SDK1: variants seen among roughly 807,000 people sequenced by gnomAD.
SDK1 encodes the protein sidekick cell adhesion molecule 1.
A neutral mutation model predicts 245.5 loss-of-function variants in SDK1; 157 were observed. That is an observed-to-expected ratio of 0.64 (90% CI 0.56 to 0.73). The LOEUF (loss-of-function observed/expected upper bound fraction) is 0.73, where lower values mean the gene tolerates loss of function less well. SDK1 is among the 30% of genes least tolerant of loss of function. SDK1 has a pLI of 0.00. For synonymous variants in SDK1, 1,647 were observed against 1,278.5 expected (o/e 1.29, Z -6.15); for missense variants, 3,583 against 3,002.3 (o/e 1.19, Z -4.52).
At chr7:4,228,389 G>A (rs1379755615) in intron 40 of SDK1, among the ~76,000 whole-genome samples, 3 of 152,238 alleles carry the variant, frequency 2.0e-5, no homozygotes, top group Admixed American at 2.0e-4. Flanking sequence ...GAAGTGGCAG[G>A]TCCAGCCCAG....
intron 1 of SDK1, among the ~76,000 whole-genome samples, chr7:3,326,701 G>T (rs1173789808): frequency 2.0e-5 from 3 of 151,918 alleles, no homozygotes; most frequent in African/African-American, 7.3e-5. Context: ...TTTTATCATG[G>T]AAAATGTAAA....
intron 1 of SDK1, among the ~76,000 whole-genome samples, chr7:3,376,190 C>T (rs1394571647): frequency 6.6e-6 from 1 of 152,074 alleles, no homozygotes; most frequent in East Asian, 1.9e-4. Flanking sequence ...GAGTGAGACC[C>T]TGCCTTGGGG....
rs73672083 is a variant in SDK1, at chr7:3,320,651, T to A, written c.298+18767T>A. On this transcript the variant is annotated intron_variant, in intron 1 of 44. Transcript: ENST00000404826. The stretch of plus-strand genomic sequence containing the variant: ...AAAGATCTTGTATATTTTAAGCAGT[T>A]GCCCTGTTTTAATATTAATCATGGC... Among the ~76,000 whole-genome samples the A allele has an allele frequency of 5.8e-3, 880 of 152,302 alleles. 2 individuals are homozygous for A. The highest frequency in any genetic ancestry group is 0.019 in the African/African-American group (809 of 41,566).
At chr7:3,449,974 G>A (rs1302682237) in intron 1 of SDK1, among the ~76,000 whole-genome samples, 1 of 152,208 alleles carries the variant, frequency 6.6e-6, no homozygotes, top group Non-Finnish European at 1.5e-5. Flanking sequence ...CTGGCTGTTG[G>A]GGGGTCGACG....
intron 20 of SDK1, among the ~76,000 whole-genome samples, chr7:4,069,987 A>T (rs555153214): frequency 6.6e-6 from 1 of 152,278 alleles, no homozygotes; most frequent in East Asian, 1.9e-4. Context: ...ACAGCATGGG[A>T]TGCTCACTTT....
Position 4,268,497 on chromosome 7 carries a change from C to A in SDK1, c.*3113C>A. The A allele has an allele frequency of 8.4e-7, 1 of 1,188,780 alleles. No homozygotes were observed. The allele number at this position is 1,188,780 out of a possible 1,614,324, so 73.6% of individuals were successfully genotyped here. A position where few individuals can be genotyped will look rare whatever the true frequency, so the allele number is the denominator to read the frequency against. ...TGCTGTAGCCAAAAAACGAGGGGCC[C>A]CAGGGAGAGGGGACCCAGATGGCCA... On this transcript the variant is annotated 3_prime_UTR_variant, in exon 45 of 45. Transcript: ENST00000404826.
In SDK1 at chr7:3,918,188, C is replaced by T. The variant is rs1779451770; in HGVS notation, c.848-32735C>T. On this transcript the variant is annotated intron_variant, in intron 5 of 44. Coordinates refer to ENST00000404826, the MANE Select transcript of SDK1 (RefSeq NM_152744.4). Reference sequence around the variant, plus strand: ...GGGCCACGTGTCTTCCCTCTCAACACCGCGGTACCCTGGAGCAGGGGTTCC... The same window carrying T: ...GGGCCACGTGTCTTCCCTCTCAACATCGCGGTACCCTGGAGCAGGGGTTCC... 6.6e-5 allele frequency among the ~76,000 whole-genome samples: 10 copies of T among 152,308 alleles called. No individual in the cohort carries two copies. In the South Asian group the frequency reaches 2.1e-3, roughly 32 times the overall value.
chr7:3,339,636 C>G (rs1331497482), intron 1 of SDK1, among the ~76,000 whole-genome samples: 2 of 146,344 alleles, frequency 1.4e-5, no homozygotes, highest in Non-Finnish European at 3.0e-5. Context: ...CTAAATAACA[C>G]ATTTATAAAT....
intron 1 of SDK1, among the ~76,000 whole-genome samples, chr7:3,532,504 A>T (rs1287952814): frequency 6.6e-6 from 1 of 152,124 alleles, no homozygotes; most frequent in Non-Finnish European, 1.5e-5. Context: ...GAGCCCTGAG[A>T]GTATCATGGG....
intron 1 of SDK1, among the ~76,000 whole-genome samples, chr7:3,570,358 C>T (rs1431035727): frequency 6.6e-6 from 1 of 152,122 alleles, no homozygotes; most frequent in Non-Finnish European, 1.5e-5. Flanking sequence ...GAAAATCAAA[C>T]GCCGCCTCTG....
chr7:3,623,615 G>A (rs540765399), intron 2 of SDK1, among the ~76,000 whole-genome samples: 1 of 152,222 alleles, frequency 6.6e-6, no homozygotes, highest in East Asian at 1.9e-4. Context: ...CAAGTTGACG[G>A]TAATTCAGCA....
rs186697664 is a variant in SDK1 at position 4,099,360 on chromosome 7, C to T, written c.3325-11303C>T. 2.4e-4 allele frequency among the ~76,000 whole-genome samples: 35 copies of T among 145,900 alleles called. No homozygotes were observed. In the East Asian group the frequency reaches 5.8e-3, roughly 24 times the overall value. On this transcript the variant is annotated intron_variant, in intron 22 of 44. Transcript: ENST00000404826. Reference sequence around the variant, plus strand: ...CACACAGGGCCATGTGCAGAAGCACCGGGTGGGTCAGGAGGCAGAGGAGGA... The same window carrying T: ...CACACAGGGCCATGTGCAGAAGCACTGGGTGGGTCAGGAGGCAGAGGAGGA...
intron 4 of SDK1, among the ~76,000 whole-genome samples, chr7:3,798,626 T>C (rs1299683941): frequency 6.6e-6 from 1 of 152,176 alleles, no homozygotes; most frequent in Non-Finnish European, 1.5e-5. Context: ...CTCAGGGCAC[T>C]TGGCGTCAAC....
intron 1 of SDK1, among the ~76,000 whole-genome samples, chr7:3,366,740 TTTTA>T (rs894979587): frequency 2.6e-5 from 4 of 152,020 alleles, no homozygotes; most frequent in Admixed American, 6.5e-5. Flanking sequence ...ATTGTTTTTA[TTTTA>T]TTTATTTATT....
At chr7:4,201,375 C>T (rs1783870447) in intron 35 of SDK1, among the ~76,000 whole-genome samples, 3 of 152,176 alleles carry the variant, frequency 2.0e-5, no homozygotes, top group Admixed American at 2.0e-4. Flanking sequence ...AATTCTATTT[C>T]CCATAGTTCC....
intron 13 of SDK1, among the ~76,000 whole-genome samples, chr7:3,982,561 C>T (rs1225096940): frequency 6.6e-6 from 1 of 152,132 alleles, no homozygotes; most frequent in Admixed American, 6.5e-5. Flanking sequence ...TGTTTGTGGG[C>T]TGGGCGCGGT....
At chr7:4,206,260 C>T (rs6462651) in intron 36 of SDK1, among the ~76,000 whole-genome samples, 1 of 152,260 alleles carries the variant, frequency 6.6e-6, no homozygotes, top group Non-Finnish European at 1.5e-5. Flanking sequence ...TGTTTGTCCA[C>T]TGGCTTCTCC....
At chr7:4,024,918 C>T (rs1283907021) in intron 17 of SDK1, among the ~76,000 whole-genome samples, 1 of 151,930 alleles carries the variant, frequency 6.6e-6, no homozygotes, top group Admixed American at 6.6e-5. Flanking sequence ...ATAGAAAAGA[C>T]ATGGGCGTGC....
intron 43 of SDK1, among the ~76,000 whole-genome samples, chr7:4,245,317 C>T (rs1051034505): frequency 6.6e-6 from 1 of 152,168 alleles, no homozygotes; most frequent in African/African-American, 2.4e-5. Flanking sequence ...TCTCTCTCCA[C>T]TGCACTCCCC....
Sources: gnomAD v4.1 joint callset for allele counts (sites outside exome capture counted in the v4.1 genomes callset) on GRCh38, gnomAD v4.1.1 for gene constraint, MANE v1.5 for transcripts, NCBI Gene and HGNC (gene_info 2026-07-23, HGNC 2026-07-21) for gene names.